Variants in PRC1 observed in about 807,000 individuals in gnomAD.
PRC1 encodes protein regulator of cytokinesis 1.
PRC1 carries 54 observed loss-of-function variants against 91.2 expected under a neutral mutation model. The observed-to-expected ratio is 0.59, with a 90% CI of 0.48 to 0.74. The LOEUF (loss-of-function observed/expected upper bound fraction) is 0.74, where lower values mean the gene tolerates loss of function less well. PRC1 is among the 30% of genes least tolerant of loss of function. The pLI, the probability that PRC1 is intolerant of heterozygous loss-of-function variation, is 0.00. For missense variants in PRC1, 727 were observed against 746.2 expected, an observed-to-expected ratio of 0.97 and a Z score of 0.30; for synonymous variants, 275 against 263.6, an observed-to-expected ratio of 1.04 and a Z score of -0.42.
At chr15:90,968,261 T>C in intron 14 of PRC1, 1 of 985,418 alleles carries the variant, frequency 1.0e-6, no homozygotes, top group African/African-American at 1.7e-5. Context: ...CTTTTAAAGG[T>C]AGAAGCACCA....
chr15:90,981,363 A>G, intron 5 of PRC1, 136 bp downstream of exon 5: 3 of 1,016,510 alleles, frequency 3.0e-6, no homozygotes, highest in South Asian at 1.7e-5. Context: ...TGTATATCAT[A>G]TATTACTATC....
At position 90,981,678 on chromosome 15, in the gene PRC1, C is replaced by T. The variant is rs1298749434; in HGVS notation, c.502-9G>A. ...TCCTCACGCCTAGAAGCCTTTAAAA[C>T]AAAGCAATTACAAGATACCTAGAGG... On this transcript the variant is annotated splice_polypyrimidine_tract_variant and intron_variant, in intron 4 of 14. Transcript: ENST00000394249. 1.9e-6 allele frequency: 3 copies of T among 1,611,854 alleles called. No individual in the cohort carries two copies. In the South Asian group the frequency reaches 3.3e-5, roughly 18 times the overall value.
chr15:90,989,140 A>T (rs1280305323), intron 1 of PRC1, among the ~76,000 whole-genome samples: 1 of 152,194 alleles, frequency 6.6e-6, no homozygotes, highest in African/African-American at 2.4e-5. Flanking sequence ...AAAAAAAAAT[A>T]TATAGCAAAA....
chr15:90,966,372 CAG>C lies in PRC1; in HGVS notation c.*757_*758del, dbSNP rs1411919493. ...AGACAGCTCAACCCATTGGAACAAA[CAG>C]ACTCCCAATGTGGCTGGCAACTGCG... is the stretch of plus-strand genomic sequence containing the variant. On this transcript the variant is annotated 3_prime_UTR_variant, in exon 15 of 15. Transcript: ENST00000394249. 1 of 332,736 alleles carries C rather than the reference CAG, an allele frequency of 3.0e-6. No individual in the cohort carries two copies. The highest frequency in any genetic ancestry group is 2.2e-5 in the African/African-American group (1 of 46,002). 20.6% of individuals were successfully genotyped at this position (332,736 alleles called of 1,614,324 possible).
At chr15:90,968,924 A>C (rs755331671) in intron 14 of PRC1, 155 bp downstream of exon 14, 38 of 1,471,044 alleles carry the variant, frequency 2.6e-5, no homozygotes, top group Non-Finnish European at 3.3e-5. Flanking sequence ...GTGAATGTAA[A>C]TCAGATGTGT....
In PRC1 at chr15:90,994,472, C is replaced by T. The variant is rs2040180821; in HGVS notation, c.-55G>A. ...GGTCCAGACCTACTCCACACGGCCC[C>T]GAGAGCAACAACCACCCGCAAACAC... On this transcript the variant is annotated 5_prime_UTR_variant, in exon 1 of 15. Transcript: ENST00000394249. 1.3e-6 allele frequency: 2 copies of T among 1,590,060 alleles called. No homozygotes were observed. The highest frequency in any genetic ancestry group is 1.7e-6 in the Non-Finnish European group (2 of 1,167,152).
chr15:90,969,262 A>AACTTC, intron 13 of PRC1, 142 bp from the exon 14 acceptor site: 1 of 1,208,346 alleles, frequency 8.3e-7, no homozygotes, highest in Non-Finnish European at 1.2e-6. Context: ...TGCTGCTGCC[A>AACTTC]ACTTCCTTCC....
At position 90,969,762 on chromosome 15, in the gene PRC1, ACATATATATATATATATAT is replaced by A. The variant is rs1324165000; in HGVS notation, c.1573-158_1573-140del. 1,138 of 174,102 alleles carry A rather than the reference ACATATATATATATATATAT, an allele frequency of 6.5e-3. 15 individuals are homozygous for A. The highest frequency in any genetic ancestry group is 0.026 in the African/African-American group (722 of 27,258). 10.8% of individuals were successfully genotyped at this position (174,102 alleles called of 1,614,324 possible). A position where few individuals can be genotyped will look rare whatever the true frequency, so the allele number is the denominator to read the frequency against. ...CCTATACTTTTTAGTTAAAAAAAAA[ACATATATATATATATATAT>A]ATATATATATATATATATATGGGGC... On this transcript the variant is annotated intron_variant, in intron 12 of 14. Coordinates refer to ENST00000394249, the MANE Select transcript of PRC1 (RefSeq NM_003981.4).
rs377330038 is a variant in PRC1, at chr15:90,994,438, G to C, written c.-21C>G. On this transcript the variant is annotated 5_prime_UTR_variant, in exon 1 of 15. Transcript: ENST00000394249. ...CTCATGGCGGACGCTCCAAGCAGCC[G>C]TGAGTCCAGGTCCAGACCTACTCCA... 4 of 1,610,426 alleles carry C rather than the reference G, an allele frequency of 2.5e-6. No homozygotes were observed. The highest frequency in any genetic ancestry group is 2.2e-5 in the East Asian group (1 of 44,668).
At chr15:90,969,208 G>A in intron 13 of PRC1, 88 bp from the exon 14 acceptor site, 1 of 1,402,950 alleles carries the variant, frequency 7.1e-7, no homozygotes, top group South Asian at 1.2e-5. Context: ...TGCAGCCAGG[G>A]AATGGTATGT....
rs2037462252 is a variant in PRC1 at position 90,966,070 on chromosome 15, TTA to T, written c.*1059_*1060del. The T allele has an allele frequency of 6.6e-6, 1 of 152,258 alleles. No individual in the cohort carries two copies. Among genetic ancestry groups the T allele is most frequent in the African/African-American group, 2.4e-5 (1 of 41,444 alleles). 9.4% of individuals were successfully genotyped at this position (152,258 alleles called of 1,614,324 possible). A position where few individuals can be genotyped will look rare whatever the true frequency, so the allele number is the denominator to read the frequency against. On this transcript the variant is annotated 3_prime_UTR_variant, in exon 15 of 15. Transcript: ENST00000394249. ...GAAATGTAAGTATACAGATTTTAAT[TTA>T]TTTTTAAGAATAATTGTATATTTTA... is the stretch of plus-strand genomic sequence containing the variant.
At chr15:90,972,302 TGAGCCCAGGAG>T (rs1264601991) in intron 11 of PRC1, among the ~76,000 whole-genome samples, 1 of 150,750 alleles carries the variant, frequency 6.6e-6, no homozygotes, top group African/African-American at 2.4e-5. Flanking sequence ...GAGAATCACT[TGAGCCCAGGAG>T]GCTGAGCTGC....
intron 8 of PRC1, chr15:90,977,435 AAAATT>A (rs772077888): frequency 6.6e-6 from 1 of 152,232 alleles, no homozygotes; most frequent in Non-Finnish European, 1.5e-5. Flanking sequence ...GATATTCTAG[AAAATT>A]AAATTGTTTC....
chr15:90,992,079 C>T (rs760846268), intron 1 of PRC1, among the ~76,000 whole-genome samples: 1 of 152,138 alleles, frequency 6.6e-6, no homozygotes, highest in Non-Finnish European at 1.5e-5. Flanking sequence ...ATTCCTCTAC[C>T]TAGATCTCTT....
chr15:90,972,413 A>G (rs2038237659), intron 11 of PRC1, among the ~76,000 whole-genome samples: 2 of 151,798 alleles, frequency 1.3e-5, no homozygotes, highest in African/African-American at 4.8e-5. Flanking sequence ...ATAAAATAGC[A>G]GTAGAGAGAA....
chr15:90,971,536 C>T (rs1452596504), intron 11 of PRC1, among the ~76,000 whole-genome samples: 1 of 151,706 alleles, frequency 6.6e-6, no homozygotes, highest in Non-Finnish European at 1.5e-5. Flanking sequence ...CCTACCTTGG[C>T]TTCCCGAAGT....
At position 90,994,464 on chromosome 15, in the gene PRC1, C is replaced by T. The variant is rs2040180017; in HGVS notation, c.-47G>A. 1 of 1,600,194 alleles carries T rather than the reference C, an allele frequency of 6.2e-7. No individual in the cohort carries two copies. On this transcript the variant is annotated 5_prime_UTR_variant, in exon 1 of 15. The change creates a new upstream start codon in the 5' untranslated region. Coordinates refer to ENST00000394249, the MANE Select transcript of PRC1 (RefSeq NM_003981.4). ...TGAGTCCAGGTCCAGACCTACTCCA[C>T]ACGGCCCCGAGAGCAACAACCACCC...
chr15:90,986,511 A>G (rs578164563), intron 1 of PRC1, among the ~76,000 whole-genome samples: 1 of 152,286 alleles, frequency 6.6e-6, no homozygotes, highest in East Asian at 1.9e-4. Flanking sequence ...AATCCCAGCT[A>G]CTGGGGCGGC....
chr15:90,981,288 C>A (rs1478534062), intron 5 of PRC1: 3 of 692,268 alleles, frequency 4.3e-6, no homozygotes, highest in Non-Finnish European at 6.9e-6. Context: ...AATATTATTT[C>A]ATCTATAATT....
Sources: allele counts gnomAD v4.1 joint callset (sites outside exome capture counted in the v4.1 genomes callset), GRCh38; gene constraint gnomAD v4.1.1; transcripts MANE v1.5; gene names NCBI Gene and HGNC (gene_info 2026-07-23, HGNC 2026-07-21).